Variants in BRCA2 observed in about 807,000 individuals in gnomAD.
BRCA2 encodes the protein BRCA2 DNA repair associated.
A neutral mutation model predicts 276.7 loss-of-function variants in BRCA2; 203 were observed. The observed-to-expected ratio is 0.73, with a 90% CI of 0.65 to 0.82. The LOEUF (loss-of-function observed/expected upper bound fraction) is 0.82, where lower values mean the gene tolerates loss of function less well. Ranked by LOEUF, BRCA2 falls within the 40% of genes least tolerant of loss-of-function variation. The pLI, the probability that BRCA2 is intolerant of heterozygous loss-of-function variation, is 0.00. For synonymous variants in BRCA2, 1,289 were observed against 1,338.4 expected (o/e 0.96, Z 0.81); for missense variants, 3,920 against 3,915.0 (o/e 1.00, Z -0.03).
intron 13 of BRCA2, among the ~76,000 whole-genome samples, 185 bp from the exon 14 acceptor site, chr13:32,354,676 A>T (rs961449507): frequency 2.0e-5 from 3 of 152,194 alleles, no homozygotes; most frequent in Non-Finnish European, 2.9e-5. Flanking sequence ...TGTGAGGTAG[A>T]TTGTAAAGTC....
rs765644109 is a variant in BRCA2, at chr13:32,316,418, G to A, written c.-39-4G>A. On this transcript the variant is annotated splice_region_variant and splice_polypyrimidine_tract_variant and intron_variant, in intron 1 of 26. Coordinates refer to ENST00000380152, the MANE Select transcript of BRCA2 (RefSeq NM_000059.4). ...TAAGTGCATTTTGGTCTTCTGTTTT[G>A]CAGACTTATTTACCAAGCATTGGAG... 1.9e-6 allele frequency: 3 copies of A among 1,561,148 alleles called. No individual in the cohort carries two copies. Among genetic ancestry groups the A allele is most frequent in the African/African-American group, 1.4e-5 (1 of 73,686 alleles).
At chr13:32,321,635 C>T (rs1036631716) in intron 3 of BRCA2, among the ~76,000 whole-genome samples, 5 of 152,210 alleles carry the variant, frequency 3.3e-5, no homozygotes, top group African/African-American at 9.7e-5. Flanking sequence ...AATCTGCTGA[C>T]TAGTCTCTTG....
intron 16 of BRCA2, among the ~76,000 whole-genome samples, chr13:32,359,092 C>T (rs890288913): frequency 1.3e-5 from 2 of 151,734 alleles, no homozygotes; most frequent in Admixed American, 6.6e-5. Context: ...CGTGGTGGCA[C>T]GCGCCTGCAA....
intron 2 of BRCA2, 139 bp downstream of exon 2, chr13:32,316,666 ACATAAT>A (rs1355795807): frequency 6.5e-6 from 5 of 766,266 alleles, no homozygotes; most frequent in African/African-American, 1.8e-5. Flanking sequence ...CCAGTTAACA[ACATAAT>A]CATCGTTTGC....
chr13:32,365,189 A>C (rs928418784), intron 18 of BRCA2, among the ~76,000 whole-genome samples: 8 of 117,314 alleles, frequency 6.8e-5, no homozygotes, highest in Admixed American at 2.4e-4. Flanking sequence ...TTTTGTACAG[A>C]TGAGGTCTCC....
intron 4 of BRCA2, 135 bp downstream of exon 4, chr13:32,325,319 A>G (rs1420164963): frequency 1.5e-6 from 1 of 655,354 alleles, no homozygotes. Flanking sequence ...TTTTTAAATA[A>G]TCTTTTAGGT....
intron 22 of BRCA2, 113 bp from the exon 23 acceptor site, chr13:32,379,637 C>T: frequency 6.7e-7 from 1 of 1,498,894 alleles, no homozygotes; most frequent in Non-Finnish European, 9.2e-7. Context: ...GCAAAATCCA[C>T]TACTAATGCC....
chr13:32,319,508 T>G (rs191765802), intron 3 of BRCA2, among the ~76,000 whole-genome samples, 183 bp downstream of exon 3: 85 of 152,362 alleles, frequency 5.6e-4, no homozygotes, highest in Admixed American at 2.4e-3. Flanking sequence ...TGGATTAAAT[T>G]AAATAATGTA....
intron 12 of BRCA2, among the ~76,000 whole-genome samples, chr13:32,345,239 A>G (rs923834195): frequency 6.6e-6 from 1 of 152,132 alleles, no homozygotes; most frequent in African/African-American, 2.4e-5. Flanking sequence ...CTTTCAAGTA[A>G]AAGGTATTTC....
intron 20 of BRCA2, among the ~76,000 whole-genome samples, chr13:32,371,996 C>G (rs1346935388): frequency 6.6e-6 from 1 of 152,176 alleles, no homozygotes; most frequent in Non-Finnish European, 1.5e-5. Context: ...AATGTTGATG[C>G]CTGCTGAGTG....
At chr13:32,341,673 C>T (rs988999277) in intron 11 of BRCA2, among the ~76,000 whole-genome samples, 3 of 151,750 alleles carry the variant, frequency 2.0e-5, no homozygotes, top group Admixed American at 6.6e-5. Context: ...GAGACCATCC[C>T]GGCTAAAACG....
intron 13 of BRCA2, among the ~76,000 whole-genome samples, chr13:32,349,091 A>C (rs1472945173): frequency 6.6e-6 from 1 of 151,828 alleles, no homozygotes; most frequent in East Asian, 1.9e-4. Context: ...GCGTGGTGGC[A>C]CACGCCTGTA....
chr13:32,356,515 G>A lies in BRCA2; in HGVS notation c.7523G>A (p.Gly2508Asp), dbSNP rs730881557. The A allele has an allele frequency of 1.2e-6, 2 of 1,614,164 alleles. No individual in the cohort carries two copies. The highest frequency in any genetic ancestry group is 1.7e-6 in the Non-Finnish European group (2 of 1,179,990). The change falls in exon 15 of 27, where the codon GGC becomes GAC. Residue 2508 changes from glycine to aspartate, a missense_variant. Gly to Asp is a moderately conservative substitution (Grantham distance 94). Around this residue, in one of 2 missense-constraint regions of BRCA2, gnomAD observed 3,263 missense variants for 3,156.9 expected, o/e 1.03. Coordinates refer to ENST00000380152, the MANE Select transcript of BRCA2 (RefSeq NM_000059.4). ...AGGCAACGCGTCTTTCCACAGCCAG[G>A]CAGTCTGTATCTTGCAAAAACATCC... is the stretch of plus-strand genomic sequence containing the variant. ...KQRQRVFPQP[G>D]SLYLAKTSTL...
chr13:32,331,404 C>G (rs964706186), intron 9 of BRCA2, among the ~76,000 whole-genome samples: 18 of 152,016 alleles, frequency 1.2e-4, no homozygotes, highest in African/African-American at 4.4e-4. Flanking sequence ...TATTTTATCT[C>G]AAAGTATTGA....
chr13:32,362,234 T>C (rs1467978185), intron 16 of BRCA2, among the ~76,000 whole-genome samples: 1 of 152,064 alleles, frequency 6.6e-6, no homozygotes, highest in African/African-American at 2.4e-5. Flanking sequence ...CTCACTATGT[T>C]GCCTAGGCTG....
At chr13:32,386,610 T>G (rs1446789162) in intron 24 of BRCA2, among the ~76,000 whole-genome samples, 1 of 151,062 alleles carries the variant, frequency 6.6e-6, no homozygotes, top group East Asian at 2.0e-4. Flanking sequence ...TAGGTAGATT[T>G]GTAGGAAACA....
chr13:32,333,207 G>C lies in BRCA2; in HGVS notation c.1729G>C (p.Ala577Pro), dbSNP rs2072420568. The change falls in exon 10 of 27, where the codon GCA becomes CCA. Residue 577 changes from alanine (A) to proline (P), a missense_variant. This residue lies in a region of BRCA2 where 3,263 missense variants were observed against 3,156.9 expected (regional missense o/e 1.03). Coordinates refer to ENST00000380152, the MANE Select transcript of BRCA2 (RefSeq NM_000059.4). ...TTQNSVALKNAGLISTLKKKT... is the reference protein window; with the variant it reads ...TTQNSVALKNPGLISTLKKKT... ...ACAGAATTCTGTAGCTTTGAAGAATGCAGGTTTAATATCCACTTTGAAAAA... is the reference window on the plus strand; with the variant it reads ...ACAGAATTCTGTAGCTTTGAAGAATCCAGGTTTAATATCCACTTTGAAAAA... 1 of 1,613,548 alleles carries C rather than the reference G, an allele frequency of 6.2e-7. No individual in the cohort carries two copies. The highest frequency in any genetic ancestry group is 1.1e-5 in the South Asian group (1 of 91,012).
rs140693106 is a variant in BRCA2 at position 32,356,498 on chromosome 13, C to T, written c.7506C>T (p.Arg2502=). The change falls in exon 15 of 27, where the codon CGC becomes CGT. Residue 2502 remains arginine, a synonymous_variant. Transcript: ENST00000380152. The part of the protein sequence containing the change: ...DMRIKKKQRQ[R]VFPQPGSLYL... ...GAATTAAGAAGAAACAAAGGCAACG[C>T]GTCTTTCCACAGCCAGGCAGTCTGT... 8.7e-6 allele frequency: 14 copies of T among 1,614,024 alleles called. No individual in the cohort carries two copies. In the East Asian group the frequency reaches 8.9e-5, roughly 10 times the overall value.
chr13:32,383,953 G>A (rs1380684994), intron 24 of BRCA2, among the ~76,000 whole-genome samples: 1 of 152,152 alleles, frequency 6.6e-6, no homozygotes, highest in African/African-American at 2.4e-5. Flanking sequence ...GAACTTGGGA[G>A]CAACAGAGTA....
Sources: allele counts gnomAD v4.1 joint callset (sites outside exome capture counted in the v4.1 genomes callset), GRCh38; gene constraint gnomAD v4.1.1; regional missense constraint gnomAD v4.1.1; transcripts MANE v1.5; gene names NCBI Gene and HGNC (gene_info 2026-07-23, HGNC 2026-07-21).